Variants in PTPRT observed in about 807,000 individuals in gnomAD.
PTPRT encodes protein tyrosine phosphatase receptor type T, also known as receptor-type tyrosine-protein phosphatase T.
A neutral mutation model predicts 176.8 loss-of-function variants in PTPRT; 56 were observed. That is an observed-to-expected ratio of 0.32 (90% CI 0.26 to 0.40). The LOEUF is 0.40. Among genes scored for constraint, PTPRT ranks in the 10% least tolerant of loss-of-function variants. The pLI, the probability that PTPRT is intolerant of heterozygous loss-of-function variation, is 1.00. For synonymous variants in PTPRT, 783 were observed against 739.0 expected (o/e 1.06, Z -0.96); for missense variants, 1,540 against 1,908.2 (o/e 0.81, Z 3.60).
chr20:43,167,086 C>T (rs1050071881), intron 1 of PTPRT, among the ~76,000 whole-genome samples: 2 of 152,150 alleles, frequency 1.3e-5, no homozygotes, highest in African/African-American at 4.8e-5. Flanking sequence ...AGAGGGAGTG[C>T]CGTCATGTTA....
At position 42,648,882 on chromosome 20, in the gene PTPRT, A is replaced by G. The variant is rs1193425479; in HGVS notation, c.1153+28984T>C. On this transcript the variant is annotated intron_variant, in intron 7 of 30. Transcript: ENST00000373187. ...CGCCCAGGCTGGAGTGCAGTGGTGT[A>G]ATCTCAGCTCACTGCAAGCTCTGCC... is the stretch of plus-strand genomic sequence containing the variant. Among the ~76,000 whole-genome samples the G allele has an allele frequency of 1.5e-4, 20 of 136,308 alleles. No homozygotes were observed. In the South Asian group the frequency reaches 4.6e-3, roughly 31 times the overall value. The allele number at this position is 136,308 out of a possible 152,430, so 89.4% of individuals were successfully genotyped here. A position where few individuals can be genotyped will look rare whatever the true frequency, so the allele number is the denominator to read the frequency against.
intron 5 of PTPRT, among the ~76,000 whole-genome samples, chr20:42,758,210 T>G (rs2076863636): frequency 6.6e-6 from 1 of 152,222 alleles, no homozygotes; most frequent in Admixed American, 6.5e-5. Flanking sequence ...ATGATTCTCA[T>G]GCCCTGAGTC....
chr20:42,715,487 A>G (rs1421577249), intron 6 of PTPRT, among the ~76,000 whole-genome samples: 1 of 152,188 alleles, frequency 6.6e-6, no homozygotes, highest in Non-Finnish European at 1.5e-5. Flanking sequence ...TAAAAATCTG[A>G]TGACTAAAAA....
At chr20:42,568,734 T>C (rs559959228) in intron 7 of PTPRT, among the ~76,000 whole-genome samples, 2 of 152,192 alleles carry the variant, frequency 1.3e-5, no homozygotes, top group African/African-American at 4.8e-5. Context: ...ATGCTTCAAC[T>C]GTCCTGGATT....
intron 2 of PTPRT, among the ~76,000 whole-genome samples, chr20:42,860,889 C>T (rs2078648932): frequency 6.6e-6 from 1 of 152,060 alleles, no homozygotes; most frequent in East Asian, 1.9e-4. Flanking sequence ...TTTAGTGGTC[C>T]TGAGCATCCT....
intron 6 of PTPRT, among the ~76,000 whole-genome samples, chr20:42,680,651 A>G (rs774267293): frequency 6.6e-6 from 1 of 152,170 alleles, no homozygotes; most frequent in Non-Finnish European, 1.5e-5. Flanking sequence ...GCAGACTTCA[A>G]TAGTTTGGAG....
chr20:42,591,230 TA>T (rs909424038), intron 7 of PTPRT, among the ~76,000 whole-genome samples: 57 of 151,058 alleles, frequency 3.8e-4, no homozygotes, highest in African/African-American at 8.3e-4. Flanking sequence ...GACTACATGA[TA>T]AAAAAAAATT....
rs73907412 is a variant in PTPRT, at chr20:42,939,710, T to C, written c.89-53778A>G. On this transcript the variant is annotated intron_variant, in intron 1 of 30. Transcript: ENST00000373187. ...TTTTTCTGCCTTCAAAGGGCTTATA[T>C]TTTAGTAAGAAAAAAAGACACTAAA... Among the ~76,000 whole-genome samples the C allele has an allele frequency of 3.7e-3, 566 of 152,274 alleles. 2 individuals are homozygous for C. The highest frequency in any genetic ancestry group is 0.013 in the African/African-American group (539 of 41,540).
the PTPRT span, among the ~76,000 whole-genome samples, chr20:42,067,574 A>T: frequency 6.6e-6 from 1 of 152,112 alleles, no homozygotes; most frequent in Non-Finnish European, 1.5e-5. Flanking sequence ...CATCCTTCTT[A>T]CTGTCTATTG....
intron 12 of PTPRT, among the ~76,000 whole-genome samples, chr20:42,288,734 T>C (rs1461033644): frequency 6.6e-6 from 1 of 152,030 alleles, no homozygotes; most frequent in African/African-American, 2.4e-5. Flanking sequence ...CCATGGAGTA[T>C]ATGAACCATG....
intron 1 of PTPRT, among the ~76,000 whole-genome samples, chr20:43,057,294 GA>G (rs1456581739): frequency 1.1e-5 from 1 of 92,514 alleles, no homozygotes; most frequent in African/African-American, 4.2e-5. Flanking sequence ...AAGGGGAGGG[GA>G]GGGGGGAAGG....
Position 42,572,926 on chromosome 20 carries a change from T to G in PTPRT, c.1154-100364A>C, listed in dbSNP as rs191654750. ...TAACACTAGAGATAAGTTTTTGTTTTTTTTTTTTTTTAACATCTAAACACA... is the reference window on the plus strand; with the variant it reads ...TAACACTAGAGATAAGTTTTTGTTTGTTTTTTTTTTTAACATCTAAACACA... On this transcript the variant is annotated intron_variant, in intron 7 of 30. Coordinates refer to ENST00000373187, the MANE Select transcript of PTPRT (RefSeq NM_007050.6). Among the ~76,000 whole-genome samples, 28 of 150,740 alleles carry G rather than the reference T, an allele frequency of 1.9e-4. No homozygotes were observed. The East Asian group carries it at 3.2e-3, about 17-fold the overall frequency.
chr20:42,647,734 C>T (rs1336799705), intron 7 of PTPRT, among the ~76,000 whole-genome samples: 2 of 152,156 alleles, frequency 1.3e-5, no homozygotes, highest in South Asian at 2.1e-4. Flanking sequence ...TTCAGAAACC[C>T]GCTAACAGGG....
At chr20:42,970,125 C>T (rs566863339) in intron 1 of PTPRT, among the ~76,000 whole-genome samples, 1 of 152,292 alleles carries the variant, frequency 6.6e-6, no homozygotes, top group African/African-American at 2.4e-5. Context: ...GCCCCATCCT[C>T]CCAGCGCAGC....
chr20:42,839,004 AT>A (rs1291286219), intron 2 of PTPRT, among the ~76,000 whole-genome samples: 1 of 152,016 alleles, frequency 6.6e-6, no homozygotes, highest in Non-Finnish European at 1.5e-5. Flanking sequence ...ACTGCTTGCC[AT>A]TGGCTACTTT....
intron 1 of PTPRT, among the ~76,000 whole-genome samples, chr20:42,887,310 T>C (rs1322130482): frequency 6.6e-6 from 1 of 152,126 alleles, no homozygotes; most frequent in Non-Finnish European, 1.5e-5. Flanking sequence ...CAGAGAGCTA[T>C]CTCGCCCCTT....
chr20:42,843,058 A>G (rs2078307384), intron 2 of PTPRT, among the ~76,000 whole-genome samples: 1 of 152,174 alleles, frequency 6.6e-6, no homozygotes, highest in African/African-American at 2.4e-5. Flanking sequence ...GGATAAGCTA[A>G]TTCACTTCCG....
At chr20:42,562,955 CAAT>C (rs1245451032) in intron 7 of PTPRT, among the ~76,000 whole-genome samples, 4 of 151,990 alleles carry the variant, frequency 2.6e-5, no homozygotes, top group Non-Finnish European at 4.4e-5. Context: ...CAAAACAAAA[CAAT>C]AAAAGTGCTA....
At chr20:42,153,488 T>A (rs879284290) in intron 17 of PTPRT, among the ~76,000 whole-genome samples, 8 of 152,140 alleles carry the variant, frequency 5.3e-5, no homozygotes, top group Admixed American at 1.3e-4. Flanking sequence ...ATTGCTCACT[T>A]GGTTGGGGGA....
Sources: gnomAD v4.1 joint callset for allele counts (sites outside exome capture counted in the v4.1 genomes callset) on GRCh38, gnomAD v4.1.1 for gene constraint, MANE v1.5 for transcripts, NCBI Gene and HGNC (gene_info 2026-07-23, HGNC 2026-07-21) for gene names.